The following COL4A6 variants were observed in gnomAD, a reference collection of about 807,000 sequenced individuals.
COL4A6 encodes the protein collagen alpha-6(IV) chain.
COL4A6 carries 59 observed loss-of-function variants against 126.7 expected under a neutral mutation model. That is an observed-to-expected ratio of 0.47 (90% confidence interval 0.38 to 0.58). The LOEUF is 0.58. COL4A6 is among the 20% of genes least tolerant of loss of function. COL4A6 has a pLI of 0.00. For synonymous variants in COL4A6, 547 were observed against 496.6 expected (o/e 1.10, Z -1.35); for missense variants, 1,285 against 1,337.3 (o/e 0.96, Z 0.61).
chrX:108,274,779 C>A (rs1043533955), intron 3 of COL4A6, among the ~76,000 whole-genome samples: 1 of 111,749 alleles, frequency 8.9e-6, no homozygotes, highest in Admixed American at 9.5e-5. Context: ...TTCCTAGAAG[C>A]TACTCTCAGG....
chrX:108,359,468 C>A (rs1380752771), intron 2 of COL4A6, among the ~76,000 whole-genome samples: 2 of 112,830 alleles, frequency 1.8e-5, no homozygotes, highest in Non-Finnish European at 3.7e-5. Context: ...TGAAGGATAA[C>A]TGTCTACACT....
At chrX:108,227,518 G>A (rs1311261400) in intron 3 of COL4A6, among the ~76,000 whole-genome samples, 3 of 108,288 alleles carry the variant, frequency 2.8e-5, no homozygotes, top group African/African-American at 6.7e-5. Flanking sequence ...CATTGGTTCA[G>A]TCTGGAAAGC....
intron 2 of COL4A6, among the ~76,000 whole-genome samples, chrX:108,406,292 C>T: frequency 8.9e-6 from 1 of 111,846 alleles, no homozygotes. Context: ...TTTTTCCACT[C>T]CATTTCTACA....
chrX:108,375,815 A>C (rs10126620), intron 2 of COL4A6, among the ~76,000 whole-genome samples: 8,791 of 110,630 alleles, frequency 0.079, 773 homozygotes, highest in African/African-American at 0.25. Context: ...TGATTTCCCA[A>C]CACAGTCACA....
In COL4A6 at chrX:108,161,604, G is replaced by C; in HGVS notation, c.4333+15C>G. On this transcript the variant is annotated intron_variant, in intron 42 of 44. Transcript: ENST00000334504. ...ATCCCCGCCCCGCCCGCCTCCTAAT[G>C]TGGCATCATCAGACCTTCAAATCCT... is the stretch of plus-strand genomic sequence containing the variant. 2.0e-6 allele frequency: 1 copy of C among 504,800 alleles called. No homozygotes were observed. The highest frequency in any genetic ancestry group is 4.8e-5 in the East Asian group (1 of 20,930). 41.6% of individuals were successfully genotyped at this position (504,800 alleles called of 1,213,427 possible). A position where few individuals can be genotyped will look rare whatever the true frequency, so the allele number is the denominator to read the frequency against.
chrX:108,269,413 A>G (rs763436583), intron 3 of COL4A6, among the ~76,000 whole-genome samples: 4 of 111,593 alleles, frequency 3.6e-5, no homozygotes, highest in African/African-American at 1.3e-4. Context: ...ATGGAGACTC[A>G]CACCTGAAAA....
At position 108,204,421 on chromosome X, in the gene COL4A6, T is replaced by C. The variant is rs1437603331; in HGVS notation, c.688-9A>G. Reference sequence around the variant, plus strand: ...GGGAGGCCAACATCCCCCTGTAAGATCAAATGGAACATTAAGCAAAGTGAC... The same window carrying C: ...GGGAGGCCAACATCCCCCTGTAAGACCAAATGGAACATTAAGCAAAGTGAC... On this transcript the variant is annotated splice_polypyrimidine_tract_variant and intron_variant, in intron 11 of 44. Coordinates refer to ENST00000334504, the MANE Select transcript of COL4A6 (RefSeq NM_033641.4). 4.2e-6 allele frequency: 5 copies of C among 1,189,877 alleles called. No individual in the cohort carries two copies. The highest frequency in any genetic ancestry group is 4.4e-5 in the Admixed American group (2 of 45,566).
At chrX:108,279,140 C>A (rs1248913046) in intron 3 of COL4A6, among the ~76,000 whole-genome samples, 1 of 111,792 alleles carries the variant, frequency 8.9e-6, no homozygotes, top group Non-Finnish European at 1.9e-5. Flanking sequence ...TCACACATAA[C>A]AATATTAACC....
intron 3 of COL4A6, among the ~76,000 whole-genome samples, chrX:108,231,902 T>G (rs1030181204): frequency 8.0e-5 from 9 of 111,947 alleles, no homozygotes; most frequent in Non-Finnish European, 1.3e-4. Context: ...ACTTAAAAGA[T>G]GGGGGATTTC....
At chrX:108,253,760 C>T (rs73636391) in intron 3 of COL4A6, among the ~76,000 whole-genome samples, 4,986 of 111,515 alleles carry the variant, frequency 0.045, 240 homozygotes, top group African/African-American at 0.14. Context: ...ATCCATAACC[C>T]CTAGTTCTTT....
chrX:108,250,567 G>A (rs1442779533), intron 3 of COL4A6, among the ~76,000 whole-genome samples: 3 of 110,069 alleles, frequency 2.7e-5, no homozygotes, highest in Non-Finnish European at 5.7e-5. Context: ...GCTCAATCTC[G>A]GGAGGACAGG....
At chrX:108,282,760 A>G (rs1233200145) in intron 3 of COL4A6, among the ~76,000 whole-genome samples, 1 of 108,760 alleles carries the variant, frequency 9.2e-6, no homozygotes, top group African/African-American at 3.3e-5. Flanking sequence ...ATGTCCAACA[A>G]TGATAGACTG....
chrX:108,347,749 G>A (rs951410258), intron 2 of COL4A6, among the ~76,000 whole-genome samples: 3 of 110,908 alleles, frequency 2.7e-5, no homozygotes, highest in African/African-American at 9.8e-5. Flanking sequence ...AGACTGAGGA[G>A]AGGGAATGAA....
At chrX:108,162,679 G>T (rs769338064) in intron 41 of COL4A6, among the ~76,000 whole-genome samples, 1 of 111,319 alleles carries the variant, frequency 9.0e-6, no homozygotes, top group African/African-American at 3.3e-5. Context: ...ACCTTGCTCT[G>T]CCCTCACATC....
At position 108,185,391 on chromosome X, in the gene COL4A6, G is replaced by GGAAA. The variant is rs1556010024; in HGVS notation, c.1951+1704_1951+1705insTTTC. On this transcript the variant is annotated intron_variant, in intron 23 of 44. Coordinates refer to ENST00000334504, the MANE Select transcript of COL4A6 (RefSeq NM_033641.4). ...TGGGTGAGAGTAAGACTTCATTTCA[G>GGAAA]AAAAAAAAAAAAAAGGAAAATGTCC... Among the ~76,000 whole-genome samples, 289 of 83,352 alleles carry GGAAA rather than the reference G, an allele frequency of 3.5e-3. 1 individual carries two copies. Among genetic ancestry groups the GGAAA allele is most frequent in the African/African-American group, 0.013 (278 of 22,167 alleles). 72.4% of individuals were successfully genotyped at this position (83,352 alleles called of 115,157 possible).
At chrX:108,253,253 G>A (rs1019757366) in intron 3 of COL4A6, among the ~76,000 whole-genome samples, 1 of 111,678 alleles carries the variant, frequency 9.0e-6, no homozygotes, top group African/African-American at 3.2e-5. Context: ...AAAAACCATA[G>A]AGACTCCACT....
chrX:108,171,280 G>T (rs2034293100), intron 33 of COL4A6, 107 bp downstream of exon 33: 2 of 622,566 alleles, frequency 3.2e-6, no homozygotes, highest in African/African-American at 2.2e-5. Context: ...GAAATTTTCT[G>T]CACTGGATAG....
intron 3 of COL4A6, among the ~76,000 whole-genome samples, chrX:108,272,749 T>C (rs1010468825): frequency 2.7e-5 from 3 of 109,561 alleles, no homozygotes; most frequent in Non-Finnish European, 5.7e-5. Context: ...TAATTCGAGA[T>C]AGCACTCTCT....
chrX:108,401,822 G>A (rs2041094438), intron 2 of COL4A6, among the ~76,000 whole-genome samples: 1 of 111,146 alleles, frequency 9.0e-6, no homozygotes, highest in Non-Finnish European at 1.9e-5. Context: ...TGAATTGCCA[G>A]GGAGTTATCC....
Sources: allele counts gnomAD v4.1 joint callset (sites outside exome capture counted in the v4.1 genomes callset), GRCh38; gene constraint gnomAD v4.1.1; transcripts MANE v1.5; gene names NCBI Gene and HGNC (gene_info 2026-07-23, HGNC 2026-07-21).